Variants in VPS13B observed in about 807,000 individuals in gnomAD.
VPS13B encodes the protein intermembrane lipid transfer protein VPS13B.
Under a neutral mutation model 426.4 loss-of-function variants are expected in VPS13B, and 285 were observed. That is an observed-to-expected ratio of 0.67 (90% CI 0.61 to 0.74). VPS13B has a LOEUF of 0.74. Among genes scored for constraint, VPS13B ranks in the 30% least tolerant of loss-of-function variants. The probability of loss-of-function intolerance (pLI) is 0.00; values close to 1 mark genes in which losing one functional copy is unlikely to be tolerated. For missense variants in VPS13B, 4,537 were observed against 4,782.6 expected, an observed-to-expected ratio of 0.95 and a Z score of 1.51; for synonymous variants, 1,676 against 1,676.4, an observed-to-expected ratio of 1.00 and a Z score of 0.01.
intron 35 of VPS13B, among the ~76,000 whole-genome samples, chr8:99,679,265 T>C (rs773540163): frequency 1.4e-4 from 21 of 152,276 alleles, no homozygotes; most frequent in South Asian, 1.0e-3. Flanking sequence ...TATGCCATCA[T>C]TGAAATAGTA....
intron 35 of VPS13B, among the ~76,000 whole-genome samples, chr8:99,690,572 A>T (rs1831612055): frequency 6.6e-6 from 1 of 152,154 alleles, no homozygotes; most frequent in Non-Finnish European, 1.5e-5. Flanking sequence ...GATATGATAT[A>T]TCTGATATTT....
intron 35 of VPS13B, among the ~76,000 whole-genome samples, chr8:99,670,756 T>TATTTCATTTAGCATAATATCTTCA (rs1830681535): frequency 6.6e-6 from 1 of 152,184 alleles, no homozygotes; most frequent in Non-Finnish European, 1.5e-5. Context: ...CTGTTTGGTT[T>TATTTCATTTAGCATAATATCTTCA]ATTTCATTTA....
At chr8:99,281,578 A>G (rs1443526592) in intron 19 of VPS13B, among the ~76,000 whole-genome samples, 2 of 152,218 alleles carry the variant, frequency 1.3e-5, no homozygotes, top group South Asian at 2.1e-4. Context: ...AAACGTGCAC[A>G]TCATCACCTC....
intron 39 of VPS13B, among the ~76,000 whole-genome samples, chr8:99,735,816 C>T (rs1017379919): frequency 2.6e-5 from 4 of 152,118 alleles, no homozygotes; most frequent in Non-Finnish European, 4.4e-5. Flanking sequence ...AGTGGTATCA[C>T]GTCTGCAGAA....
intron 25 of VPS13B, among the ~76,000 whole-genome samples, chr8:99,496,511 C>A (rs1395736358): frequency 6.6e-6 from 1 of 152,052 alleles, no homozygotes; most frequent in East Asian, 1.9e-4. Context: ...CTTACCCAGG[C>A]GTGGTGGCAG....
intron 17 of VPS13B, chr8:99,234,317 A>G: frequency 1.3e-6 from 1 of 755,818 alleles, no homozygotes. Flanking sequence ...ATTCTCCACT[A>G]TCCCGTGTTG....
intron 19 of VPS13B, chr8:99,347,100 A>G (rs1446702343): frequency 6.5e-6 from 1 of 152,954 alleles, no homozygotes; most frequent in East Asian, 1.9e-4. Flanking sequence ...CTTATGCTCA[A>G]TATTAGTGTA....
chr8:99,725,536 A>G (rs1210102363), intron 39 of VPS13B, among the ~76,000 whole-genome samples: 1 of 152,180 alleles, frequency 6.6e-6, no homozygotes, highest in African/African-American at 2.4e-5. Context: ...CCCTTGGTCT[A>G]TGGAAAAATT....
intron 17 of VPS13B, among the ~76,000 whole-genome samples, chr8:99,199,784 T>G (rs1375815975): frequency 6.6e-6 from 1 of 152,192 alleles, no homozygotes; most frequent in Non-Finnish European, 1.5e-5. Context: ...TCTTACACAT[T>G]CCTACCTTTT....
chr8:99,449,802 A>G (rs1818099016), intron 23 of VPS13B, among the ~76,000 whole-genome samples: 1 of 151,612 alleles, frequency 6.6e-6, no homozygotes, highest in African/African-American at 2.4e-5. Flanking sequence ...CAGTATTTTC[A>G]GAAGAATGAT....
chr8:99,166,687 G>A (rs1384948009), intron 15 of VPS13B, among the ~76,000 whole-genome samples: 1 of 152,098 alleles, frequency 6.6e-6, no homozygotes, highest in South Asian at 2.1e-4. Flanking sequence ...CAATTCCAAT[G>A]TCTTTTTTCA....
At chr8:99,675,057 C>T (rs1372097698) in intron 35 of VPS13B, among the ~76,000 whole-genome samples, 5 of 151,074 alleles carry the variant, frequency 3.3e-5, no homozygotes, top group East Asian at 3.9e-4. Context: ...GATGTTGTTG[C>T]GTTATTATCA....
chr8:99,764,723 T>C (rs548499735), intron 39 of VPS13B, among the ~76,000 whole-genome samples: 2 of 152,124 alleles, frequency 1.3e-5, no homozygotes, highest in South Asian at 4.1e-4. Flanking sequence ...CATAGAGATA[T>C]ACTTTATTCA....
chr8:99,032,984 G>A (rs909117959), intron 2 of VPS13B, among the ~76,000 whole-genome samples: 6 of 152,038 alleles, frequency 3.9e-5, no homozygotes, highest in African/African-American at 1.4e-4. Context: ...TGCTTGTGCT[G>A]TTATTGTCAC....
rs1563509700 is a variant in VPS13B, at chr8:99,853,631, GTTTGAAC to G, written c.10246_10252del (p.Glu3416ThrfsTer12). 6.2e-7 allele frequency: 1 copy of G among 1,614,170 alleles called. No homozygotes were observed. The highest frequency in any genetic ancestry group is 2.2e-5 in the East Asian group (1 of 44,872). Reference sequence around the variant, plus strand: ...CTGGGGAAGAGCCTGTGGCTGCGTTGTTTGAACTTTACTGTGTGGAGATCTGCTGTGG... The same window carrying G: ...CTGGGGAAGAGCCTGTGGCTGCGTTGTTTACTGTGTGGAGATCTGCTGTGG... On this transcript the variant is annotated frameshift_variant, in exon 56 of 62. Transcript: ENST00000357162. LOFTEE classifies it high-confidence loss of function.
intron 54 of VPS13B, among the ~76,000 whole-genome samples, chr8:99,838,197 G>A (rs1263422915): frequency 6.6e-6 from 1 of 152,210 alleles, no homozygotes; most frequent in Non-Finnish European, 1.5e-5. Flanking sequence ...ACATCTCATG[G>A]TTATTCAACC....
chr8:99,703,293 C>T (rs1259214613), intron 36 of VPS13B, among the ~76,000 whole-genome samples: 1 of 152,072 alleles, frequency 6.6e-6, no homozygotes, highest in Non-Finnish European at 1.5e-5. Flanking sequence ...TAACCCTAAA[C>T]TATGGGAGTT....
chr8:99,233,164 A>G (rs1588160228), intron 17 of VPS13B: 1 of 1,402,364 alleles, frequency 7.1e-7, no homozygotes, highest in Non-Finnish European at 1.0e-6. Flanking sequence ...GAAGTGCCCG[A>G]TAATTCTGAT....
At chr8:99,792,406 GATGTAAT>G (rs2130730733) in intron 43 of VPS13B, among the ~76,000 whole-genome samples, 1 of 151,922 alleles carries the variant, frequency 6.6e-6, no homozygotes, top group African/African-American at 2.4e-5. Context: ...GGATTTTACA[GATGTAAT>G]TAAGGTCCTA....
Sources: allele counts gnomAD v4.1 joint callset (sites outside exome capture counted in the v4.1 genomes callset), GRCh38; gene constraint gnomAD v4.1.1; transcripts MANE v1.5; gene names NCBI Gene and HGNC (gene_info 2026-07-23, HGNC 2026-07-21).